Variants in ST6GAL2 observed in about 807,000 individuals in gnomAD.
ST6GAL2 encodes the protein ST6 beta-galactoside alpha-2,6-sialyltransferase 2.
ST6GAL2 carries 24 observed loss-of-function variants against 37.5 expected under a neutral mutation model. That is an observed-to-expected ratio of 0.64 (90% CI 0.46 to 0.90). The LOEUF (loss-of-function observed/expected upper bound fraction) is 0.90. Ranked by LOEUF, ST6GAL2 falls within the 40% of genes least tolerant of loss-of-function variation. The pLI, the probability that ST6GAL2 is intolerant of heterozygous loss-of-function variation, is 0.00. For missense variants in ST6GAL2, 715 were observed against 712.7 expected (o/e 1.00, Z -0.04); for synonymous variants, 306 against 295.1 (o/e 1.04, Z -0.38).
At chr2:106,846,710 C>CAGT (rs1677158053) in intron 1 of ST6GAL2, among the ~76,000 whole-genome samples, 1 of 152,144 alleles carries the variant, frequency 6.6e-6, no homozygotes, top group South Asian at 2.1e-4. Context: ...ATTTTATATA[C>CAGT]AGTAATACAT....
intron 1 of ST6GAL2, among the ~76,000 whole-genome samples, chr2:106,860,540 C>T (rs11124138): frequency 0.88 from 133,127 of 152,052 alleles, 58,419 homozygotes; most frequent in East Asian, 0.98. Flanking sequence ...CTGCAAAGGG[C>T]AGGGCAGCTG....
intron 2 of ST6GAL2, among the ~76,000 whole-genome samples, chr2:106,836,929 A>T (rs1039397836): frequency 1.6e-5 from 2 of 128,296 alleles, no homozygotes; most frequent in Non-Finnish European, 3.1e-5. Context: ...GAGCAACAGG[A>T]GCAAAATTCC....
rs1211602212 is a variant in ST6GAL2, at chr2:106,806,744, C to A, written c.1524G>T (p.Lys508Asn). ...CCGCCTGGAAGCCGGGAAGAACCACCTTGCCCTTGCGATGCAAATCCCCCT... is the reference window on the plus strand; with the variant it reads ...CCGCCTGGAAGCCGGGAAGAACCACATTGCCCTTGCGATGCAAATCCCCCT... The part of the protein sequence containing the change: ...GTQGDLHRKG[K>N]VVLPGFQAVH... Residue 508 changes from lysine (K) to asparagine (N), a missense_variant, in exon 6 of 6, where the codon AAG (lysine) becomes AAT (asparagine). Physicochemically the swap from Lys to Asn is moderately conservative, Grantham distance 94 (BLOSUM62 0). Around this residue, in one of 3 missense-constraint regions of ST6GAL2, gnomAD observed 198 missense variants for 203.6 expected, o/e 0.97. Transcript: ENST00000409382. 6.2e-7 allele frequency: 1 copy of A among 1,614,056 alleles called. No homozygotes were observed. Among genetic ancestry groups the A allele is most frequent in the South Asian group, 1.1e-5 (1 of 91,084 alleles).
chr2:106,830,002 T>C (rs1331569461), intron 5 of ST6GAL2, 64 bp downstream of exon 5: 1 of 1,439,720 alleles, frequency 6.9e-7, no homozygotes, highest in African/African-American at 1.4e-5. Context: ...ACTGTATATT[T>C]GTTAAATATT....
intron 1 of ST6GAL2, among the ~76,000 whole-genome samples, chr2:106,845,307 A>G (rs1469407989): frequency 2.0e-5 from 3 of 152,210 alleles, no homozygotes; most frequent in African/African-American, 7.2e-5. Context: ...TGTATAAAAA[A>G]TAGGGAGAGA....
intron 5 of ST6GAL2, chr2:106,813,114 GT>G (rs373534739): frequency 0.041 from 45,352 of 1,116,108 alleles, 2 homozygotes; most frequent in East Asian, 0.049. Context: ...TATATGGCCA[GT>G]TTTTTTTTTT....
chr2:106,851,179 T>C (rs998400073), intron 1 of ST6GAL2, among the ~76,000 whole-genome samples: 42 of 152,348 alleles, frequency 2.8e-4, no homozygotes, highest in African/African-American at 9.9e-4. Flanking sequence ...TTTGGACTAC[T>C]TTTTTCTATT....
intron 1 of ST6GAL2, among the ~76,000 whole-genome samples, chr2:106,872,200 T>C (rs1678297680): frequency 6.6e-6 from 1 of 152,254 alleles, no homozygotes; most frequent in Non-Finnish European, 1.5e-5. Context: ...TATGTGGCAC[T>C]TGACTGTATA....
At chr2:106,858,685 T>A (rs1219067554) in intron 1 of ST6GAL2, among the ~76,000 whole-genome samples, 1 of 152,038 alleles carries the variant, frequency 6.6e-6, no homozygotes, top group Non-Finnish European at 1.5e-5. Context: ...GATTCCCATA[T>A]CCTGTCAACA....
At chr2:106,852,607 G>A (rs1279495726) in intron 1 of ST6GAL2, among the ~76,000 whole-genome samples, 1 of 152,210 alleles carries the variant, frequency 6.6e-6, no homozygotes, top group Non-Finnish European at 1.5e-5. Context: ...ATGAATGTCT[G>A]AAATTAAGAA....
At chr2:106,826,221 A>C (rs1394493017) in intron 5 of ST6GAL2, among the ~76,000 whole-genome samples, 1 of 152,200 alleles carries the variant, frequency 6.6e-6, no homozygotes, top group African/African-American at 2.4e-5. Context: ...ATTATAAAGG[A>C]AAGAGATTTA....
At chr2:106,859,130 G>C (rs1677700145) in intron 1 of ST6GAL2, among the ~76,000 whole-genome samples, 1 of 152,094 alleles carries the variant, frequency 6.6e-6, no homozygotes, top group East Asian at 1.9e-4. Context: ...TATGCCCCCA[G>C]GAGTTAGAGG....
At chr2:106,828,768 T>C (rs1676299175) in intron 5 of ST6GAL2, among the ~76,000 whole-genome samples, 2 of 152,140 alleles carry the variant, frequency 1.3e-5, no homozygotes, top group Non-Finnish European at 1.5e-5. Context: ...AAAACCAATA[T>C]CCTTTGGTTC....
In ST6GAL2 at chr2:106,802,001, G is replaced by A. The variant is rs1435668882; in HGVS notation, c.*4677C>T. 1.3e-5 allele frequency: 2 copies of A among 152,166 alleles called. No homozygotes were observed. Among genetic ancestry groups the A allele is most frequent in the African/African-American group, 4.8e-5 (2 of 41,434 alleles). The allele number at this position is 152,166 out of a possible 1,614,324, so 9.4% of individuals were successfully genotyped here. On this transcript the variant is annotated 3_prime_UTR_variant, in exon 6 of 6. Coordinates refer to ENST00000409382, the MANE Select transcript of ST6GAL2 (RefSeq NM_001142351.2). ...TTCTTCTAATCTTTGAAAGCCATGAGCTACAGCTAAGCTTCCCTTCAAAGT... is the reference window on the plus strand; with the variant it reads ...TTCTTCTAATCTTTGAAAGCCATGAACTACAGCTAAGCTTCCCTTCAAAGT...
chr2:106,829,681 G>A (rs146137810), intron 5 of ST6GAL2, among the ~76,000 whole-genome samples: 72 of 152,160 alleles, frequency 4.7e-4, no homozygotes, highest in African/African-American at 1.7e-3. Context: ...TCTGTTACAC[G>A]AGTGTTTTTT....
chr2:106,843,197 C>A lies in ST6GAL2; in HGVS notation c.781G>T (p.Val261Leu), dbSNP rs1037689676. 21 of 1,548,484 alleles carry A rather than the reference C, an allele frequency of 1.4e-5. No homozygotes were observed. The highest frequency in any genetic ancestry group is 2.0e-5 in the Admixed American group (1 of 49,816). Residue 261 changes from valine (V) to leucine (L), a missense_variant, in exon 2 of 6, where the codon GTG becomes TTG. Physicochemically the swap from Val to Leu is conservative, Grantham distance 32 (BLOSUM62 1). Transcript: ENST00000409382. ...LLCQLRSRAR[V>L]RTLDGTEAPF... ...GCCTCGGTGCCGTCCAGCGTCCGCACGCGCGCGCGGCTCCGCAGCTGGCAC... is the reference window on the plus strand; with the variant it reads ...GCCTCGGTGCCGTCCAGCGTCCGCAAGCGCGCGCGGCTCCGCAGCTGGCAC...
rs79625596 is a variant in ST6GAL2, at chr2:106,826,742, A to G, written c.1318+3324T>C. On this transcript the variant is annotated intron_variant, in intron 5 of 5. Coordinates refer to ENST00000409382, the MANE Select transcript of ST6GAL2 (RefSeq NM_001142351.2). Reference sequence around the variant, plus strand: ...TGTCAGAGGGTTTAGAAATATAAGTAATGGCATGGGAGACTATAAGGATGA... The same window carrying G: ...TGTCAGAGGGTTTAGAAATATAAGTGATGGCATGGGAGACTATAAGGATGA... Among the ~76,000 whole-genome samples, 330 of 152,332 alleles carry G rather than the reference A, an allele frequency of 2.2e-3. 1 individual carries two copies. The highest frequency in any genetic ancestry group is 7.7e-3 in the African/African-American group (321 of 41,574).
intron 1 of ST6GAL2, among the ~76,000 whole-genome samples, chr2:106,880,026 C>G (rs982913): frequency 6.7e-6 from 1 of 149,004 alleles, no homozygotes; most frequent in African/African-American, 2.5e-5. Context: ...TATATACATA[C>G]CTAATGTATA....
At chr2:106,818,178 G>T (rs574819276) in intron 5 of ST6GAL2, among the ~76,000 whole-genome samples, 2 of 152,320 alleles carry the variant, frequency 1.3e-5, no homozygotes, top group East Asian at 3.9e-4. Context: ...AAGCTGGCTG[G>T]CTTCATCATT....
Sources: gnomAD v4.1 joint callset for allele counts (sites outside exome capture counted in the v4.1 genomes callset) on GRCh38, gnomAD v4.1.1 for gene constraint, gnomAD v4.1.1 regional missense constraint, MANE v1.5 for transcripts, NCBI Gene and HGNC (gene_info 2026-07-23, HGNC 2026-07-21) for gene names.